SPTBN1: variants seen among roughly 807,000 people sequenced by gnomAD.
The protein encoded by SPTBN1 is spectrin beta, non-erythrocytic 1, also known as spectrin beta chain, non-erythrocytic 1.
SPTBN1 carries 32 observed loss-of-function variants against 266.4 expected under a neutral mutation model. The observed-to-expected ratio is 0.12, with a 90% CI of 0.09 to 0.16. SPTBN1 has a LOEUF of 0.16. Among genes scored for constraint, SPTBN1 ranks in the 10% least tolerant of loss-of-function variants. The pLI is 1.00. For missense variants in SPTBN1, 2,296 were observed against 3,067.1 expected (o/e 0.75, Z 5.94); for synonymous variants, 1,336 against 1,162.2 (o/e 1.15, Z -3.04).
chr2:54,631,622 T>A lies in SPTBN1; in HGVS notation c.3564+11T>A. 2 of 1,600,752 alleles carry A rather than the reference T, an allele frequency of 1.2e-6. No individual in the cohort carries two copies. The highest frequency in any genetic ancestry group is 4.5e-5 in the East Asian group (2 of 44,640). ...TTTCTTAACAACCAGGTAAGGTTTG[T>A]TCCTGCCTTTGCTTCCTTTCGGTGA... On this transcript the variant is annotated intron_variant, in intron 16 of 35. Transcript: ENST00000356805.
chr2:54,643,333 G>C (rs1679702756), intron 19 of SPTBN1, among the ~76,000 whole-genome samples: 2 of 152,194 alleles, frequency 1.3e-5, no homozygotes, highest in Non-Finnish European at 2.9e-5. Flanking sequence ...CAACCAGTTA[G>C]TAGAAAATGC....
At position 54,626,241 on chromosome 2, in the gene SPTBN1, C is replaced by T; in HGVS notation, c.1644+7C>T. The T allele has an allele frequency of 6.2e-7, 1 of 1,609,608 alleles. No individual in the cohort carries two copies. The highest frequency in any genetic ancestry group is 1.3e-5 in the African/African-American group (1 of 74,856). On this transcript the variant is annotated splice_region_variant and intron_variant, in intron 12 of 35. Coordinates refer to ENST00000356805, the MANE Select transcript of SPTBN1 (RefSeq NM_003128.3). This position sits in a 1 kb window ranked among gnomAD's most constrained non-coding sequence, Gnocchi z 4.7. Reference sequence around the variant, plus strand: ...CTGGATGGATGAAATGAAGGTAAAACCTGACCGAAAGGAAGGACGACAGAG... The same window carrying T: ...CTGGATGGATGAAATGAAGGTAAAATCTGACCGAAAGGAAGGACGACAGAG...
At chr2:54,495,774 A>T (rs1026452971) in intron 1 of SPTBN1, among the ~76,000 whole-genome samples, 1 of 150,960 alleles carries the variant, frequency 6.6e-6, no homozygotes, top group Non-Finnish European at 1.5e-5. Context: ...TATTATATGT[A>T]TGGTGATTTA....
chr2:54,662,253 C>T (rs1047499), intron 32 of SPTBN1: 728,269 of 985,206 alleles, frequency 0.74, 270,713 homozygotes, highest in African/African-American at 0.94. Flanking sequence ...TAGTGGTGTG[C>T]TGTCTGTTGG....
intron 1 of SPTBN1, among the ~76,000 whole-genome samples, chr2:54,481,968 G>A (rs899118949): frequency 1.3e-5 from 2 of 151,862 alleles, no homozygotes; most frequent in South Asian, 2.1e-4. Flanking sequence ...CTTTTCCTCC[G>A]CATGGCTTCC....
At chr2:54,666,812 T>C (rs182041015) in intron 34 of SPTBN1, among the ~76,000 whole-genome samples, 70 of 152,358 alleles carry the variant, frequency 4.6e-4, no homozygotes, top group Admixed American at 2.8e-3. Context: ...TTCATGCCAG[T>C]TGGACTAGGC....
At chr2:54,508,153 T>C (rs1056445424) in intron 1 of SPTBN1, among the ~76,000 whole-genome samples, 5 of 152,124 alleles carry the variant, frequency 3.3e-5, no homozygotes, top group African/African-American at 4.8e-5. Context: ...TTGGGTGATT[T>C]GACTAGTAAA....
chr2:54,512,159 T>G (rs114733205), intron 1 of SPTBN1, among the ~76,000 whole-genome samples: 1 of 152,310 alleles, frequency 6.6e-6, no homozygotes, highest in South Asian at 2.1e-4. Context: ...TGTACTTCGC[T>G]TGCTTGTCCG....
chr2:54,625,091 C>A, intron 11 of SPTBN1, 129 bp downstream of exon 11: 1 of 1,059,362 alleles, frequency 9.4e-7, no homozygotes, highest in Non-Finnish European at 1.3e-6. Flanking sequence ...CGTCAGGTCA[C>A]CTTGGCCCCT....
At chr2:54,559,933 GTTTA>G (rs973691287) in intron 2 of SPTBN1, among the ~76,000 whole-genome samples, 22 of 152,260 alleles carry the variant, frequency 1.4e-4, no homozygotes, top group African/African-American at 4.3e-4. Flanking sequence ...TCATTCATTG[GTTTA>G]TTTGTCTTGT....
chr2:54,555,698 C>T (rs961746288), intron 2 of SPTBN1, among the ~76,000 whole-genome samples: 2 of 152,160 alleles, frequency 1.3e-5, no homozygotes, highest in South Asian at 2.1e-4. Flanking sequence ...ACTTGCTTTT[C>T]GGGGCTTTCC....
intron 1 of SPTBN1, among the ~76,000 whole-genome samples, chr2:54,495,684 TTTA>T (rs1290836942): frequency 6.6e-6 from 1 of 152,064 alleles, no homozygotes; most frequent in Non-Finnish European, 1.5e-5. Flanking sequence ...TGTTTTTACC[TTTA>T]TTTCCTCTGA....
chr2:54,512,986 C>T (rs1669934552), intron 1 of SPTBN1, among the ~76,000 whole-genome samples: 1 of 152,096 alleles, frequency 6.6e-6, no homozygotes, highest in African/African-American at 2.4e-5. Context: ...TCACTTGAGC[C>T]CAGGAGACCA....
At chr2:54,561,271 A>G (rs543350699) in intron 2 of SPTBN1, among the ~76,000 whole-genome samples, 3 of 152,248 alleles carry the variant, frequency 2.0e-5, no homozygotes, top group African/African-American at 4.8e-5. Context: ...CAGCCTCCCA[A>G]GTAGCTGGGA....
At chr2:54,590,186 A>G (rs911319824) in intron 2 of SPTBN1, among the ~76,000 whole-genome samples, 9 of 152,264 alleles carry the variant, frequency 5.9e-5, no homozygotes, top group African/African-American at 2.2e-4. Context: ...AGTCTGAATG[A>G]CAGCACCACA....
chr2:54,668,778 G>A lies in SPTBN1; in HGVS notation c.*209G>A, dbSNP rs1369798262. 2.0e-5 allele frequency: 10 copies of A among 511,976 alleles called. No homozygotes were observed. The highest frequency in any genetic ancestry group is 6.7e-5 in the Admixed American group (2 of 30,012). 31.7% of individuals were successfully genotyped at this position (511,976 alleles called of 1,614,324 possible). ...AGTTACAAAAGTTTGAGGTGCAGAGGGAAGGCCAGATTTTTTTTTTAATGA... is the reference window on the plus strand; with the variant it reads ...AGTTACAAAAGTTTGAGGTGCAGAGAGAAGGCCAGATTTTTTTTTTAATGA... On this transcript the variant is annotated 3_prime_UTR_variant, in exon 36 of 36. Transcript: ENST00000356805.
intron 2 of SPTBN1, among the ~76,000 whole-genome samples, chr2:54,577,595 C>T (rs1050800171): frequency 6.6e-5 from 10 of 152,172 alleles, no homozygotes; most frequent in African/African-American, 2.4e-4. Flanking sequence ...AGGCATTGTC[C>T]TAAGTACTTT....
chr2:54,497,725 C>T (rs1431018104), intron 1 of SPTBN1, among the ~76,000 whole-genome samples: 5 of 152,156 alleles, frequency 3.3e-5, no homozygotes, highest in East Asian at 1.9e-4. Context: ...AACCTCAGTA[C>T]CTTTTGTTAC....
intron 2 of SPTBN1, among the ~76,000 whole-genome samples, chr2:54,566,197 T>C (rs1379828629): frequency 6.7e-6 from 1 of 150,144 alleles, no homozygotes; most frequent in African/African-American, 2.4e-5. Context: ...TTTTTTTTTT[T>C]TTTTTTGTTG....
Sources: allele counts gnomAD v4.1 joint callset (sites outside exome capture counted in the v4.1 genomes callset), GRCh38; gene constraint gnomAD v4.1.1; non-coding constraint Gnocchi (gnomAD v3.1); transcripts MANE v1.5; gene names NCBI Gene and HGNC (gene_info 2026-07-23, HGNC 2026-07-21).